Variants in CCL14 observed in about 807,000 individuals in gnomAD.
CCL14 encodes the protein C-C motif chemokine ligand 14.
In CCL14, 8 loss-of-function variants were observed where a neutral mutation model predicts 8.2. That is an observed-to-expected ratio of 0.98 (90% CI 0.57 to 1.76). The LOEUF is 1.76. Among genes scored for constraint, CCL14 ranks in the 40% most tolerant of loss-of-function variants. The pLI is 0.00. For synonymous variants in CCL14, 50 were observed against 43.2 expected, an observed-to-expected ratio of 1.16 and a Z score of -0.62; for missense variants, 127 against 118.3, an observed-to-expected ratio of 1.07 and a Z score of -0.34.
In CCL14 at chr17:35,983,851, G is replaced by C. The variant is rs200023895; in HGVS notation, c.232C>G (p.Pro78Ala). ...TAGTCCTGGACCCACTTGTCACTGG[G>C]GTTGGTACAGACGGAATGGCCCCTT... ...TKRGHSVCTN[P>A]SDKWVQDYIK... The change falls in exon 3 of 3, where the codon CCC (proline) becomes GCC (alanine). Residue 78 changes from proline (P) to alanine (A), a missense_variant. Physicochemically the swap from Pro to Ala is conservative, Grantham distance 27. Transcript: ENST00000618404. The C allele has an allele frequency of 6.2e-7, 1 of 1,614,082 alleles. No individual in the cohort carries two copies. Among genetic ancestry groups the C allele is most frequent in the African/African-American group, 1.3e-5 (1 of 75,038 alleles).
At chr17:35,984,111 CCTT>C (rs937282009) in intron 2 of CCL14, among the ~76,000 whole-genome samples, 4 of 151,808 alleles carry the variant, frequency 2.6e-5, no homozygotes, top group African/African-American at 9.7e-5. Context: ...TGCCCTCTTG[CCTT>C]CTTCTCCCTT....
chr17:35,985,479 C>G, intron 1 of CCL14: 1 of 487,066 alleles, frequency 2.1e-6, no homozygotes. Flanking sequence ...GTGGAGAAAT[C>G]AGGTGTGTGC....
chr17:35,985,833 T>C (rs780632165), intron 1 of CCL14: 13 of 1,496,966 alleles, frequency 8.7e-6, no homozygotes, highest in African/African-American at 8.3e-5. Flanking sequence ...GAGTGATAAA[T>C]AGTTTTGGTT....
intron 1 of CCL14, 183 bp downstream of exon 1, chr17:35,986,388 G>A (rs1254642361): frequency 6.7e-6 from 4 of 600,142 alleles, no homozygotes; most frequent in Non-Finnish European, 1.2e-5. Flanking sequence ...ACACCATGGG[G>A]TGAAGTGCTG....
Position 35,983,899 on chromosome 17 carries a change from A to C in CCL14, c.195-11T>G. On this transcript the variant is annotated splice_polypyrimidine_tract_variant and intron_variant, in intron 2 of 2. Coordinates refer to ENST00000618404, the MANE Select transcript of CCL14 (RefSeq NM_032963.4). Reference sequence around the variant, plus strand: ...CTTTTGGTGATGAAGCTGTGGAGCAAGAGGGAGAAGGATCACAAACCGAGG... The same window carrying C: ...CTTTTGGTGATGAAGCTGTGGAGCACGAGGGAGAAGGATCACAAACCGAGG... 6.2e-7 allele frequency: 1 copy of C among 1,607,112 alleles called. No homozygotes were observed. The highest frequency in any genetic ancestry group is 8.5e-7 in the Non-Finnish European group (1 of 1,173,730).
chr17:35,985,874 A>G, intron 1 of CCL14: 1 of 1,203,918 alleles, frequency 8.3e-7, no homozygotes, highest in Non-Finnish European at 1.2e-6. Context: ...CTAAGAAATC[A>G]GCTGAGAAAA....
At position 35,985,421 on chromosome 17, in the gene CCL14, T is replaced by C. The variant is rs547822806; in HGVS notation, c.80-969A>G. 1.0e-4 allele frequency: 33 copies of C among 321,452 alleles called. No homozygotes were observed. In the South Asian group the frequency reaches 2.1e-3, roughly 21 times the overall value. 19.9% of individuals were successfully genotyped at this position (321,452 alleles called of 1,614,324 possible). ...AATTATAGAGGTAGCAGGAAGGACA[T>C]TGTAGGCCAAGAGCCCTGTACAAAC... is the stretch of plus-strand genomic sequence containing the variant. On this transcript the variant is annotated intron_variant, in intron 1 of 2. Transcript: ENST00000618404.
Position 35,983,738 on chromosome 17 carries a change from G to A in CCL14, c.*63C>T, listed in dbSNP as rs980605534. ...CTGAGAGTTAGCGGTGGGTGGAGGA[G>A]GGGGCCTTGGCATCTTCTCTTTATG... On this transcript the variant is annotated 3_prime_UTR_variant, in exon 3 of 3. Coordinates refer to ENST00000618404, the MANE Select transcript of CCL14 (RefSeq NM_032963.4). The A allele has an allele frequency of 1.7e-5, 20 of 1,151,946 alleles. No homozygotes were observed. Among genetic ancestry groups the A allele is most frequent in the Non-Finnish European group, 2.4e-5 (18 of 759,018 alleles). The allele number at this position is 1,151,946 out of a possible 1,614,324, so 71.4% of individuals were successfully genotyped here.
chr17:35,983,980 G>T, intron 2 of CCL14, 92 bp from the exon 3 acceptor site: 1 of 906,304 alleles, frequency 1.1e-6, no homozygotes, highest in Non-Finnish European at 1.9e-6. Context: ...TTCCCCACCT[G>T]ACCTATACTG....
chr17:35,984,422 A>G lies in CCL14; in HGVS notation c.110T>C (p.Phe37Ser). 6.2e-7 allele frequency: 1 copy of G among 1,613,630 alleles called. No individual in the cohort carries two copies. Among genetic ancestry groups the G allele is most frequent in the Admixed American group, 1.7e-5 (1 of 60,026 alleles). Residue 37 changes from phenylalanine to serine, a missense_variant, in exon 2 of 3, where the codon TTC becomes TCC. By Grantham distance (155) the Phe-to-Ser change is radical (BLOSUM62 -2). Transcript: ENST00000618404. Reference protein sequence around the residue: ...RGPYHPSECCFTYTTYKIPRQ... With the variant: ...RGPYHPSECCSTYTTYKIPRQ... ...CGGGATCTTGTAGGTAGTGTAGGTG[A>G]AGCAGCACTCTGAGGGGTGGTAAGG... is the stretch of plus-strand genomic sequence containing the variant.
At chr17:35,985,874 A>T in intron 1 of CCL14, 1 of 1,203,920 alleles carries the variant, frequency 8.3e-7, no homozygotes, top group East Asian at 2.5e-5. Flanking sequence ...CTAAGAAATC[A>T]GCTGAGAAAA....
intron 1 of CCL14, chr17:35,985,704 C>G (rs1194782795): frequency 2.6e-6 from 4 of 1,516,230 alleles, no homozygotes; most frequent in Non-Finnish European, 3.6e-6. Flanking sequence ...TTCCTCTGAG[C>G]TGACAAATGA....
rs565432558 is a variant in CCL14, at chr17:35,983,585, G to A, written c.*216C>T. The A allele has an allele frequency of 7.1e-5, 34 of 480,042 alleles. No homozygotes were observed. Among genetic ancestry groups the A allele is most frequent in the African/African-American group, 3.7e-4 (19 of 51,902 alleles). The allele number at this position is 480,042 out of a possible 1,614,324, so 29.7% of individuals were successfully genotyped here. A position where few individuals can be genotyped will look rare whatever the true frequency, so the allele number is the denominator to read the frequency against. The stretch of plus-strand genomic sequence containing the variant: ...CTTCTGCAGAGCGAGGCTTGATGCC[G>A]AGGGTGCCACACCCTGGTGTCCTCA... On this transcript the variant is annotated 3_prime_UTR_variant, in exon 3 of 3. Coordinates refer to ENST00000618404, the MANE Select transcript of CCL14 (RefSeq NM_032963.4).
rs145557095 is a variant in CCL14, at chr17:35,986,644, C to A, written c.6G>T (p.Lys2Asn). Residue 2 changes from lysine (K) to asparagine (N), a missense_variant, in exon 1 of 3, where the codon AAG becomes AAT. Transcript: ENST00000618404. ...AGAAGGGAATGGCAGCCACGGAGATCTTCATGCTGTGGGAAGCTGTTGTGG... is the reference window on the plus strand; with the variant it reads ...AGAAGGGAATGGCAGCCACGGAGATATTCATGCTGTGGGAAGCTGTTGTGG... M[K>N]ISVAAIPFFL... 1.7e-5 allele frequency: 27 copies of A among 1,613,754 alleles called. No homozygotes were observed. Among genetic ancestry groups the A allele is most frequent in the Non-Finnish European group, 2.3e-5 (27 of 1,179,800 alleles).
rs773052358 is a variant in CCL14 at position 35,986,685 on chromosome 17, G to C, written c.-36C>G. 1 of 1,517,470 alleles carries C rather than the reference G, an allele frequency of 6.6e-7. No individual in the cohort carries two copies. The allele number at this position is 1,517,470 out of a possible 1,614,324, so 94.0% of individuals were successfully genotyped here. On this transcript the variant is annotated 5_prime_UTR_variant, in exon 1 of 3. Coordinates refer to ENST00000618404, the MANE Select transcript of CCL14 (RefSeq NM_032963.4). ...GCTGTTGTGGGAGGAGAGCTGGCCT[G>C]GTGGGAGCTTCAGAGGCTCCTGCGG...
At chr17:35,985,781 GT>G (rs1394533736) in intron 1 of CCL14, 4 of 1,551,342 alleles carry the variant, frequency 2.6e-6, no homozygotes, top group Non-Finnish European at 3.5e-6. Context: ...ACAACCTTCG[GT>G]TTCCCCCCAG....
At chr17:35,984,272 C>T in intron 2 of CCL14, 66 bp downstream of exon 2, 2 of 1,195,164 alleles carry the variant, frequency 1.7e-6, no homozygotes, top group Non-Finnish European at 2.5e-6. Context: ...CCACCACTCC[C>T]TGCTTCCCTC....
chr17:35,986,573 G>A lies in CCL14; in HGVS notation c.77C>T (p.Ser26Leu), dbSNP rs1355977352. The A allele has an allele frequency of 1.2e-6, 2 of 1,612,356 alleles. No homozygotes were observed. Among genetic ancestry groups the A allele is most frequent in the Non-Finnish European group, 1.7e-6 (2 of 1,178,474 alleles). ...IALGTKTESS[S>L]RGPYHPSECC... ...GGAAGACAAGGCATTGCACTCACGT[G>A]AGGAGGATTCAGTCTTGGTCCCTAG... is the stretch of plus-strand genomic sequence containing the variant. The change falls in exon 1 of 3, where the codon TCA becomes TTA. Residue 26 changes from serine (S) to leucine (L), a missense_variant and splice_region_variant. By Grantham distance (145) the Ser-to-Leu change is moderately radical. Transcript: ENST00000618404.
rs141746991 is a variant in CCL14, at chr17:35,983,872, C to T, written c.211G>A (p.Gly71Ser). 792 of 1,613,824 alleles carry T rather than the reference C, an allele frequency of 4.9e-4. No homozygotes were observed. Among genetic ancestry groups the T allele is most frequent in the African/African-American group, 3.2e-3 (238 of 75,004 alleles). ...CTGGGGTTGGTACAGACGGAATGGC[C>T]CCTTTTGGTGATGAAGCTGTGGAGC... The part of the protein sequence containing the change: ...KPGIVFITKR[G>S]HSVCTNPSDK... Residue 71 changes from glycine to serine, a missense_variant, in exon 3 of 3, where the codon GGC becomes AGC. By Grantham distance (56) the Gly-to-Ser change is moderately conservative. Transcript: ENST00000618404.
Sources: gnomAD v4.1 joint callset for allele counts (sites outside exome capture counted in the v4.1 genomes callset) on GRCh38, gnomAD v4.1.1 for gene constraint, MANE v1.5 for transcripts, NCBI Gene and HGNC (gene_info 2026-07-23, HGNC 2026-07-21) for gene names.